The following KCNH8 variants were observed in gnomAD, a reference collection of about 807,000 sequenced individuals.
KCNH8 encodes the protein potassium voltage-gated channel subfamily H member 8, also known as voltage-gated delayed rectifier potassium channel KCNH8.
A neutral mutation model predicts 103.6 loss-of-function variants in KCNH8; 70 were observed. The ratio of observed to expected loss-of-function variants is 0.68; its 90% CI spans 0.56 to 0.82. The LOEUF (loss-of-function observed/expected upper bound fraction) is 0.82, where lower values mean the gene tolerates loss of function less well. Ranked by LOEUF, KCNH8 falls within the 40% of genes least tolerant of loss-of-function variation. The pLI, the probability that KCNH8 is intolerant of heterozygous loss-of-function variation, is 0.00. For synonymous variants in KCNH8, 498 were observed against 489.4 expected (o/e 1.02, Z -0.23); for missense variants, 1,217 against 1,329.9 (o/e 0.92, Z 1.32).
intron 15 of KCNH8, among the ~76,000 whole-genome samples, chr3:19,526,454 G>C (rs552899890): frequency 2.1e-4 from 32 of 151,938 alleles, no homozygotes; most frequent in Non-Finnish European, 3.7e-4. Context: ...GTCATTTTAT[G>C]TGAAATGAAA....
intron 2 of KCNH8, among the ~76,000 whole-genome samples, chr3:19,258,908 TCTCTC>T (rs2064381870): frequency 2.9e-4 from 8 of 27,966 alleles, no homozygotes; most frequent in Non-Finnish European, 5.1e-4. Flanking sequence ...TTTCTGTTTC[TCTCTC>T]TCTCTCTCTC....
At chr3:19,475,732 G>C (rs1265268259) in intron 11 of KCNH8, among the ~76,000 whole-genome samples, 1 of 152,176 alleles carries the variant, frequency 6.6e-6, no homozygotes, top group Non-Finnish European at 1.5e-5. Context: ...AAGGAAACTA[G>C]AGATTTATCA....
chr3:19,342,434 C>T (rs1174681829), intron 3 of KCNH8, among the ~76,000 whole-genome samples, 153 bp from the exon 4 acceptor site: 5 of 151,852 alleles, frequency 3.3e-5, no homozygotes, highest in Admixed American at 2.0e-4. Flanking sequence ...TCATAAAGGA[C>T]TAAAATTAAA....
At chr3:19,306,691 C>T (rs2065134932) in intron 3 of KCNH8, among the ~76,000 whole-genome samples, 1 of 152,010 alleles carries the variant, frequency 6.6e-6, no homozygotes, top group African/African-American at 2.4e-5. Flanking sequence ...GGAGCAGGAG[C>T]CCCAGAGCCA....
chr3:19,227,903 G>C (rs1436772286), intron 1 of KCNH8, among the ~76,000 whole-genome samples: 3 of 152,134 alleles, frequency 2.0e-5, no homozygotes, highest in Non-Finnish European at 2.9e-5. Flanking sequence ...CCACCCTTTT[G>C]GTGGTTATAC....
intron 7 of KCNH8, among the ~76,000 whole-genome samples, chr3:19,401,088 A>G (rs2066606715): frequency 4.6e-5 from 7 of 151,968 alleles, no homozygotes; most frequent in Admixed American, 4.6e-4. Flanking sequence ...ATAAACCAGT[A>G]CCTTAAGCCT....
chr3:19,360,663 C>A (rs1273553461), intron 5 of KCNH8, among the ~76,000 whole-genome samples: 1 of 151,960 alleles, frequency 6.6e-6, no homozygotes, highest in Non-Finnish European at 1.5e-5. Flanking sequence ...TTATTCTCTA[C>A]CTAGTCATCT....
rs547352502 is a variant in KCNH8 at position 19,467,235 on chromosome 3, ATGT to A, written c.2040+10255_2040+10257del. Among the ~76,000 whole-genome samples the A allele has an allele frequency of 3.3e-3, 500 of 152,258 alleles. 1 individual carries two copies. Among genetic ancestry groups the A allele is most frequent in the Non-Finnish European group, 5.2e-3 (356 of 68,014 alleles). On this transcript the variant is annotated intron_variant, in intron 11 of 15. Coordinates refer to ENST00000328405, the MANE Select transcript of KCNH8 (RefSeq NM_144633.3). ...CATAAAATTCCAATTAAAAATATACATGTTAAAATATCCTGAGGGAAATATAGT... is the reference window on the plus strand; with the variant it reads ...CATAAAATTCCAATTAAAAATATACATAAAATATCCTGAGGGAAATATAGT...
intron 11 of KCNH8, among the ~76,000 whole-genome samples, chr3:19,478,103 T>C (rs987255986): frequency 5.3e-5 from 8 of 152,298 alleles, no homozygotes; most frequent in African/African-American, 7.2e-5. Context: ...TTATTTTTTA[T>C]GGCCTAGTAG....
chr3:19,274,398 C>G (rs1387103475), intron 2 of KCNH8, among the ~76,000 whole-genome samples: 1 of 152,128 alleles, frequency 6.6e-6, no homozygotes, highest in Non-Finnish European at 1.5e-5. Context: ...TCTTTATCTC[C>G]AGTTCTCATT....
At chr3:19,312,691 G>A (rs2065221934) in intron 3 of KCNH8, among the ~76,000 whole-genome samples, 1 of 151,802 alleles carries the variant, frequency 6.6e-6, no homozygotes, top group Admixed American at 6.6e-5. Context: ...GCTCTTGTTA[G>A]TATTATGATG....
At chr3:19,418,543 C>A (rs2066895952) in intron 7 of KCNH8, among the ~76,000 whole-genome samples, 1 of 152,006 alleles carries the variant, frequency 6.6e-6, no homozygotes. Context: ...TCGTATAAAG[C>A]CCAAACAAAA....
intron 11 of KCNH8, among the ~76,000 whole-genome samples, chr3:19,500,684 G>C (rs1171781318): frequency 1.3e-5 from 2 of 151,750 alleles, no homozygotes. Context: ...ATGACTACTG[G>C]GTACATAACG....
At chr3:19,472,474 C>G (rs1211704221) in intron 11 of KCNH8, among the ~76,000 whole-genome samples, 1 of 152,050 alleles carries the variant, frequency 6.6e-6, no homozygotes, top group Non-Finnish European at 1.5e-5. Context: ...CTCATGAGAC[C>G]TGATTGTTTT....
rs150599546 is a variant in KCNH8, at chr3:19,208,881, A to G, written c.77-44773A>G. Among the ~76,000 whole-genome samples, 29 of 152,088 alleles carry G rather than the reference A, an allele frequency of 1.9e-4. No individual in the cohort carries two copies. In the East Asian group the frequency reaches 2.7e-3, roughly 14 times the overall value. ...TGAATTTGCCTTTCACAGGAGCTCA[A>G]TGTTAAAGCAAGGGATCAAGAGATG... On this transcript the variant is annotated intron_variant, in intron 1 of 15. Transcript: ENST00000328405.
intron 2 of KCNH8, among the ~76,000 whole-genome samples, chr3:19,270,810 T>C (rs2125266060): frequency 6.6e-6 from 1 of 152,288 alleles, no homozygotes; most frequent in East Asian, 1.9e-4. Context: ...TAATCATATA[T>C]TTATACACTG....
chr3:19,154,723 C>T (rs184544568), intron 1 of KCNH8, among the ~76,000 whole-genome samples: 3 of 152,300 alleles, frequency 2.0e-5, no homozygotes, highest in African/African-American at 7.2e-5. Context: ...TCTTCTCCTC[C>T]AGGGCGGTTT....
chr3:19,257,640 G>A (rs2064363031), intron 2 of KCNH8, among the ~76,000 whole-genome samples: 1 of 152,008 alleles, frequency 6.6e-6, no homozygotes, highest in Non-Finnish European at 1.5e-5. Context: ...TTGCATATTA[G>A]TAGGTGCAAT....
chr3:19,173,569 T>C (rs2063368991), intron 1 of KCNH8, among the ~76,000 whole-genome samples: 1 of 152,104 alleles, frequency 6.6e-6, no homozygotes, highest in Non-Finnish European at 1.5e-5. Flanking sequence ...GCCCAGTTTG[T>C]AAGTTTCATA....
Sources: allele counts gnomAD v4.1 joint callset (sites outside exome capture counted in the v4.1 genomes callset), GRCh38; gene constraint gnomAD v4.1.1; transcripts MANE v1.5; gene names NCBI Gene and HGNC (gene_info 2026-07-23, HGNC 2026-07-21).